Variants in PCLO observed in about 807,000 individuals in gnomAD.
The protein encoded by PCLO is protein piccolo.
Under a neutral mutation model 427.5 loss-of-function variants are expected in PCLO, and 82 were observed. That is an observed-to-expected ratio of 0.19 (90% CI 0.16 to 0.23). The LOEUF (loss-of-function observed/expected upper bound fraction) is 0.23. Among genes scored for constraint, PCLO ranks in the 10% least tolerant of loss-of-function variants. The pLI, the probability that PCLO is intolerant of heterozygous loss-of-function variation, is 1.00. For missense variants in PCLO, 6,239 were observed against 6,115.9 expected, an observed-to-expected ratio of 1.02 and a Z score of -0.67; for synonymous variants, 2,357 against 2,155.4, an observed-to-expected ratio of 1.09 and a Z score of -2.59.
intron 16 of PCLO, among the ~76,000 whole-genome samples, chr7:82,834,347 C>T (rs185598475): frequency 3.9e-5 from 6 of 152,180 alleles, no homozygotes; most frequent in Admixed American, 3.9e-4. Context: ...GAGAACCAGC[C>T]ATAACAAGGA....
chr7:82,978,489 T>C lies in PCLO; in HGVS notation c.3301-12002A>G, dbSNP rs531089069. Reference sequence around the variant, plus strand: ...TTTAAATCCATTCATAAGATAATTATTACACAATTTCTATGATATTCCTAT... The same window carrying C: ...TTTAAATCCATTCATAAGATAATTACTACACAATTTCTATGATATTCCTAT... On this transcript the variant is annotated intron_variant, in intron 3 of 24. Coordinates refer to ENST00000333891, the MANE Select transcript of PCLO (RefSeq NM_033026.6). 3.8e-4 allele frequency among the ~76,000 whole-genome samples: 58 copies of C among 152,206 alleles called. No individual in the cohort carries two copies. In the Middle Eastern group the frequency reaches 0.014, roughly 36 times the overall value.
chr7:83,026,592 G>C (rs1473383921), intron 3 of PCLO, among the ~76,000 whole-genome samples: 4 of 148,800 alleles, frequency 2.7e-5, no homozygotes, highest in East Asian at 2.0e-4. Context: ...ACTCAGCTCT[G>C]CACCAAGCAG....
chr7:82,761,049 G>C (rs1280171133), intron 23 of PCLO, among the ~76,000 whole-genome samples: 1 of 136,010 alleles, frequency 7.4e-6, no homozygotes, highest in Non-Finnish European at 1.5e-5. Context: ...CTGGGCTCAA[G>C]TGATCTTTCT....
intron 6 of PCLO, among the ~76,000 whole-genome samples, chr7:82,946,682 G>C (rs1378345854): frequency 6.6e-6 from 1 of 152,154 alleles, no homozygotes; most frequent in East Asian, 1.9e-4. Flanking sequence ...GAGGAGGGGA[G>C]AAAGTCTGGA....
chr7:83,091,581 G>C (rs79096925), intron 3 of PCLO, among the ~76,000 whole-genome samples: 1,547 of 152,222 alleles, frequency 0.01, 21 homozygotes, highest in African/African-American at 0.035. Context: ...CAATTTGTAT[G>C]AGTTTTGCTA....
intron 10 of PCLO, among the ~76,000 whole-genome samples, chr7:82,850,278 G>C (rs1469794218): frequency 6.6e-6 from 1 of 152,002 alleles, no homozygotes; most frequent in Non-Finnish European, 1.5e-5. Flanking sequence ...CAAAGTGCTG[G>C]GATTACAGGC....
intron 12 of PCLO, 53 bp downstream of exon 12, chr7:82,846,514 A>G (rs1434397489): frequency 6.3e-6 from 7 of 1,115,028 alleles, no homozygotes; most frequent in Non-Finnish European, 9.4e-6. Context: ...CTCTGCAATT[A>G]CTTCTATTTC....
At chr7:82,906,347 T>G (rs1385461636) in intron 8 of PCLO, among the ~76,000 whole-genome samples, 1 of 152,050 alleles carries the variant, frequency 6.6e-6, no homozygotes, top group African/African-American at 2.4e-5. Context: ...CATCTGAGTT[T>G]ATTAGTACCA....
At chr7:82,895,747 C>CA (rs1793888632) in intron 9 of PCLO, among the ~76,000 whole-genome samples, 1 of 151,608 alleles carries the variant, frequency 6.6e-6, no homozygotes. Flanking sequence ...CTCAAATTAC[C>CA]AAAACTGATT....
At chr7:82,933,570 A>ATTT (rs899950376) in intron 6 of PCLO, among the ~76,000 whole-genome samples, 2 of 148,676 alleles carry the variant, frequency 1.3e-5, no homozygotes. Flanking sequence ...GGTCCAGTCC[A>ATTT]TTTTTTTTTT....
intron 4 of PCLO, among the ~76,000 whole-genome samples, chr7:82,960,820 T>C (rs905857474): frequency 6.6e-6 from 1 of 152,178 alleles, no homozygotes; most frequent in South Asian, 2.1e-4. Flanking sequence ...CATATATAAA[T>C]AGAGTAAAAT....
At chr7:83,061,770 A>G (rs1789549033) in intron 3 of PCLO, among the ~76,000 whole-genome samples, 2 of 152,184 alleles carry the variant, frequency 1.3e-5, no homozygotes, top group South Asian at 4.1e-4. Flanking sequence ...GTCATAAGCC[A>G]TTAGCTTTAA....
chr7:82,905,147 G>A (rs1056564456), intron 8 of PCLO, among the ~76,000 whole-genome samples: 1 of 151,986 alleles, frequency 6.6e-6, no homozygotes, highest in African/African-American at 2.4e-5. Context: ...TCTCCCCAAG[G>A]GGATGGTCTC....
chr7:82,776,179 T>C (rs1469327530), intron 22 of PCLO, among the ~76,000 whole-genome samples: 2 of 152,246 alleles, frequency 1.3e-5, no homozygotes, highest in African/African-American at 4.8e-5. Flanking sequence ...TCATTTTCTT[T>C]TCATATATAT....
intron 6 of PCLO, among the ~76,000 whole-genome samples, chr7:82,933,270 TGTTGTAATA>T (rs1430449405): frequency 3.3e-5 from 5 of 152,046 alleles, no homozygotes; most frequent in Non-Finnish European, 7.4e-5. Context: ...AACACCTCCT[TGTTGTAATA>T]GTGCTTCAAG....
chr7:82,816,954 C>A (rs911896079), intron 20 of PCLO, among the ~76,000 whole-genome samples: 1 of 152,078 alleles, frequency 6.6e-6, no homozygotes, highest in Non-Finnish European at 1.5e-5. Context: ...CTGTCTGATT[C>A]TGTATGTATA....
At chr7:83,035,709 T>C (rs1788777637) in intron 3 of PCLO, among the ~76,000 whole-genome samples, 1 of 152,198 alleles carries the variant, frequency 6.6e-6, no homozygotes, top group South Asian at 2.1e-4. Flanking sequence ...AGTCATTTTT[T>C]AACCTTTTGA....
chr7:83,129,860 A>T (rs1257895169), intron 3 of PCLO, among the ~76,000 whole-genome samples: 1 of 152,162 alleles, frequency 6.6e-6, no homozygotes, highest in East Asian at 1.9e-4. Flanking sequence ...GAAAAATGGG[A>T]ACTAAGAAGA....
chr7:82,930,006 A>C (rs1794804333), intron 6 of PCLO, among the ~76,000 whole-genome samples: 1 of 152,210 alleles, frequency 6.6e-6, no homozygotes, highest in Non-Finnish European at 1.5e-5. Context: ...AGAAAAAGTA[A>C]TAGAGATGTT....
Sources: allele counts gnomAD v4.1 joint callset (sites outside exome capture counted in the v4.1 genomes callset), GRCh38; gene constraint gnomAD v4.1.1; transcripts MANE v1.5; gene names NCBI Gene and HGNC (gene_info 2026-07-23, HGNC 2026-07-21).